TXNRD2: variants seen among roughly 807,000 people sequenced by gnomAD.
The protein encoded by TXNRD2 is thioredoxin reductase 2, also known as thioredoxin reductase 2, mitochondrial.
TXNRD2 carries 67 observed loss-of-function variants against 70.8 expected under a neutral mutation model. The ratio of observed to expected loss-of-function variants is 0.95; its 90% confidence interval spans 0.78 to 1.16. The LOEUF is 1.16. TXNRD2 is among the 50% of genes most tolerant of loss of function. TXNRD2 has a pLI of 0.00. For missense variants in TXNRD2, 644 were observed against 719.9 expected (o/e 0.89, Z 1.21); for synonymous variants, 301 against 295.8 (o/e 1.02, Z -0.18).
chr22:19,931,800 A>T (rs1003511137), intron 1 of TXNRD2, among the ~76,000 whole-genome samples: 4 of 152,090 alleles, frequency 2.6e-5, no homozygotes, highest in Non-Finnish European at 5.9e-5. Flanking sequence ...ACCAAGGTGG[A>T]CTAAAACATT....
intron 8 of TXNRD2, among the ~76,000 whole-genome samples, chr22:19,905,346 T>C (rs1939962064): frequency 1.3e-5 from 2 of 152,336 alleles, no homozygotes; most frequent in South Asian, 4.1e-4. Flanking sequence ...AAATGTTTTT[T>C]TTCTGAAGAA....
At chr22:19,876,880 C>T (rs954909190) in intron 17 of TXNRD2, 160 bp downstream of exon 17, 1 of 489,572 alleles carries the variant, frequency 2.0e-6, no homozygotes, top group Non-Finnish European at 3.4e-6. Context: ...ACTTCCCCTT[C>T]TGCCTGTCAC....
rs376363162 is a variant in TXNRD2 at position 19,877,219 on chromosome 22, A to G, written c.1461T>C (p.Tyr487=). 160 of 1,610,998 alleles carry G rather than the reference A, an allele frequency of 9.9e-5. No homozygotes were observed. In the African/African-American group the frequency reaches 1.9e-3, roughly 19 times the overall value. The part of the protein sequence containing the change: ...FALGIKCGAS[Y]AQVMRTVGIH... Reference sequence around the variant, plus strand: ...TACCCACGGTCCGCATCACCTGCGCATAGGAAGCCCCACACCTGCACATGG... The same window carrying G: ...TACCCACGGTCCGCATCACCTGCGCGTAGGAAGCCCCACACCTGCACATGG... The change falls in exon 17 of 18, where the codon TAT becomes TAC. Residue 487 remains tyrosine, a synonymous_variant. Coordinates refer to ENST00000400521, the MANE Select transcript of TXNRD2 (RefSeq NM_006440.5).
chr22:19,882,082 G>T (rs76038805), intron 12 of TXNRD2, among the ~76,000 whole-genome samples: 1,694 of 152,306 alleles, frequency 0.011, 30 homozygotes, highest in African/African-American at 0.039. Flanking sequence ...AGGGCCCAGA[G>T]ACACACCCAG....
intron 7 of TXNRD2, among the ~76,000 whole-genome samples, chr22:19,913,426 GC>G (rs200524386): frequency 0.034 from 5,197 of 152,104 alleles, 127 homozygotes; most frequent in South Asian, 0.086. Context: ...GTCTTTCAAA[GC>G]CCCCCCACAA....
intron 12 of TXNRD2, among the ~76,000 whole-genome samples, chr22:19,882,879 G>A (rs1258910390): frequency 2.6e-5 from 4 of 152,260 alleles, no homozygotes; most frequent in Non-Finnish European, 5.9e-5. Context: ...GCCCAGAGAG[G>A]CAAGCCAGAG....
At chr22:19,888,954 CA>C (rs1470106572) in intron 11 of TXNRD2, among the ~76,000 whole-genome samples, 2 of 151,876 alleles carry the variant, frequency 1.3e-5, no homozygotes, top group African/African-American at 2.4e-5. Flanking sequence ...ATGAGCCCAC[CA>C]GGGGGAAGGG....
chr22:19,922,198 G>A (rs1337057177), intron 2 of TXNRD2, among the ~76,000 whole-genome samples: 7 of 152,206 alleles, frequency 4.6e-5, no homozygotes, highest in Non-Finnish European at 2.9e-5. Flanking sequence ...ACTTGGAACA[G>A]ACACAGATGT....
chr22:19,879,689 T>C (rs1222643609), intron 14 of TXNRD2, among the ~76,000 whole-genome samples: 4 of 152,082 alleles, frequency 2.6e-5, no homozygotes, highest in East Asian at 3.9e-4. Flanking sequence ...GTGAGATTCA[T>C]GGCCCTGCAA....
At chr22:19,909,518 T>TCA (rs1254905511) in intron 8 of TXNRD2, among the ~76,000 whole-genome samples, 2 of 95,316 alleles carry the variant, frequency 2.1e-5, no homozygotes, top group Non-Finnish European at 2.1e-5. Flanking sequence ...CACACACCAC[T>TCA]CACACACACA....
intron 1 of TXNRD2, among the ~76,000 whole-genome samples, chr22:19,940,244 C>CAAAA (rs141013808): frequency 0.2 from 13,859 of 68,066 alleles, 1,703 homozygotes; most frequent in Non-Finnish European, 0.27. Context: ...GACACTGTCT[C>CAAAA]AAAAAAAAAA....
At chr22:19,879,632 G>A (rs1358956209) in intron 14 of TXNRD2, among the ~76,000 whole-genome samples, 3 of 150,936 alleles carry the variant, frequency 2.0e-5, no homozygotes, top group Admixed American at 6.6e-5. Flanking sequence ...GGGGGTGGGG[G>A]TGGAAGCAGA....
chr22:19,890,499 C>A (rs577554795), intron 11 of TXNRD2, among the ~76,000 whole-genome samples: 238 of 152,264 alleles, frequency 1.6e-3, no homozygotes, highest in African/African-American at 5.5e-3. Context: ...AAGAGCATAG[C>A]CACAAACTTG....
At chr22:19,930,511 T>G (rs1208309966) in intron 2 of TXNRD2, among the ~76,000 whole-genome samples, 2 of 152,106 alleles carry the variant, frequency 1.3e-5, no homozygotes, top group Non-Finnish European at 2.9e-5. Context: ...CTTTACTCAA[T>G]GGGTGCCAGG....
Position 19,916,083 on chromosome 22 carries a change from C to T in TXNRD2, c.450-240G>A, listed in dbSNP as rs550120036. On this transcript the variant is annotated intron_variant, in intron 5 of 17. Transcript: ENST00000400521. Reference sequence around the variant, plus strand: ...TTAACCACAGGTGTCAAAGCAGGGACGGAAGCCAGCTCAGCACGGTCCTAA... The same window carrying T: ...TTAACCACAGGTGTCAAAGCAGGGATGGAAGCCAGCTCAGCACGGTCCTAA... 75 of 501,392 alleles carry T rather than the reference C, an allele frequency of 1.5e-4. 2 individuals carry two copies. The highest frequency in any genetic ancestry group is 1.1e-3 in the South Asian group (56 of 49,816). 31.1% of individuals were successfully genotyped at this position (501,392 alleles called of 1,614,324 possible).
At chr22:19,880,547 C>A in intron 13 of TXNRD2, 75 bp downstream of exon 13, 1 of 1,362,682 alleles carries the variant, frequency 7.3e-7, no homozygotes, top group Non-Finnish European at 1.0e-6. Flanking sequence ...CGCACAAAGG[C>A]CCCTCACCCC....
chr22:19,912,195 A>G (rs2146027438), intron 7 of TXNRD2, among the ~76,000 whole-genome samples: 1 of 152,326 alleles, frequency 6.6e-6, no homozygotes, highest in Admixed American at 6.5e-5. Flanking sequence ...CCATGAGAAC[A>G]AGATGTGCTG....
intron 8 of TXNRD2, among the ~76,000 whole-genome samples, chr22:19,900,263 G>A (rs939428520): frequency 6.6e-6 from 1 of 152,162 alleles, no homozygotes. Flanking sequence ...GGATTGCAGA[G>A]ATGCATTCCC....
intron 14 of TXNRD2, among the ~76,000 whole-genome samples, chr22:19,878,739 A>G (rs1199667276): frequency 6.6e-6 from 1 of 152,236 alleles, no homozygotes; most frequent in Non-Finnish European, 1.5e-5. Context: ...CCAAGCAGCC[A>G]GGCCAGGCAC....
Sources: gnomAD v4.1 joint callset for allele counts (sites outside exome capture counted in the v4.1 genomes callset) on GRCh38, gnomAD v4.1.1 for gene constraint, MANE v1.5 for transcripts, NCBI Gene and HGNC (gene_info 2026-07-23, HGNC 2026-07-21) for gene names.